The following CEP78 variants were observed in gnomAD, a reference collection of about 807,000 sequenced individuals.
CEP78 encodes the protein centrosomal protein 78.
A neutral mutation model predicts 81.2 loss-of-function variants in CEP78; 76 were observed. That is an observed-to-expected ratio of 0.94 (90% CI 0.78 to 1.13). CEP78 has a LOEUF of 1.13. Ranked by LOEUF, CEP78 falls within the 50% of genes most tolerant of loss-of-function variation. The pLI is 0.00. For missense variants in CEP78, 918 were observed against 846.8 expected, an observed-to-expected ratio of 1.08 and a Z score of -1.04; for synonymous variants, 293 against 301.4, an observed-to-expected ratio of 0.97 and a Z score of 0.29.
rs536765772 is a variant in CEP78 at position 78,242,573 on chromosome 9, A to G, written c.603+774A>G. Reference sequence around the variant, plus strand: ...TAGGATTTAATGAACTAATGTGTATAAAATAGTGCCTGGCTATCTAAGTGT... The same window carrying G: ...TAGGATTTAATGAACTAATGTGTATGAAATAGTGCCTGGCTATCTAAGTGT... On this transcript the variant is annotated intron_variant, in intron 4 of 16. Coordinates refer to ENST00000643273, the MANE Select transcript of CEP78 (RefSeq NM_001330691.3). 2.0e-5 allele frequency among the ~76,000 whole-genome samples: 3 copies of G among 152,346 alleles called. No homozygotes were observed. The East Asian group carries it at 5.8e-4, about 29-fold the overall frequency.
chr9:78,242,615 T>G (rs1426822897), intron 4 of CEP78, among the ~76,000 whole-genome samples: 1 of 152,242 alleles, frequency 6.6e-6, no homozygotes, highest in African/African-American at 2.4e-5. Context: ...TTATTTCCTC[T>G]TATTGCTTTT....
intron 11 of CEP78, among the ~76,000 whole-genome samples, chr9:78,259,728 C>T (rs527483521): frequency 1.3e-5 from 2 of 152,100 alleles, no homozygotes; most frequent in Non-Finnish European, 2.9e-5. Context: ...AAATTAAGAC[C>T]TAGAGTTACT....
rs1429677579 is a variant in CEP78 at position 78,265,541 on chromosome 9, C to T, written c.1795C>T (p.Gln599Ter). Residue 599 changes from glutamine to a stop codon, truncating the protein, a stop_gained and splice_region_variant, in exon 14 of 17, where the codon CAG becomes TAG. Transcript: ENST00000643273. LOFTEE classifies it high-confidence loss of function. ...QNALGQMQNI[Q>*]VSICMQSAYN... is the part of the protein sequence containing the mutation. ...TGCCCTAGGGCAAATGCAAAATATC[C>T]AGGTAAATGAATAGAACAGAACTTA... 1 of 1,562,366 alleles carries T rather than the reference C, an allele frequency of 6.4e-7. No homozygotes were observed. Among genetic ancestry groups the T allele is most frequent in the South Asian group, 1.2e-5 (1 of 84,420 alleles).
At position 78,266,510 on chromosome 9, in the gene CEP78, TCCAGA is replaced by T. The variant is rs1827540143; in HGVS notation, c.1915_1919del (p.Pro639GlyfsTer15). The T allele has an allele frequency of 1.2e-6, 2 of 1,613,710 alleles. No homozygotes were observed. Among genetic ancestry groups the T allele is most frequent in the Non-Finnish European group, 1.7e-6 (2 of 1,179,690 alleles). Reference sequence around the variant, plus strand: ...ACTCCTTTCCTGTCCCAGTTTCTACTCCAGAGGGCTTAGGAACTTCCAGCAACAAC... The same window carrying T: ...ACTCCTTTCCTGTCCCAGTTTCTACTGGGCTTAGGAACTTCCAGCAACAAC... On this transcript the variant is annotated frameshift_variant, in exon 16 of 17. Transcript: ENST00000643273. LOFTEE classifies it high-confidence loss of function.
At position 78,236,086 on chromosome 9, in the gene CEP78, C is replaced by T. The variant is rs1411895083; in HGVS notation, c.-265C>T. On this transcript the variant is annotated 5_prime_UTR_variant, in exon 1 of 17. Transcript: ENST00000643273. ...CGGCACCGCCCACCGGCTTGAATCC[C>T]GGCGCCTCAGAGGACTATGAGGCGG... is the stretch of plus-strand genomic sequence containing the variant. 2.1e-6 allele frequency: 1 copy of T among 487,002 alleles called. No individual in the cohort carries two copies. Among genetic ancestry groups the T allele is most frequent in the Middle Eastern group, 5.4e-4 (1 of 1,858 alleles). 30.2% of individuals were successfully genotyped at this position (487,002 alleles called of 1,614,324 possible).
chr9:78,241,347 G>T (rs2118134956), intron 3 of CEP78, among the ~76,000 whole-genome samples: 1 of 152,246 alleles, frequency 6.6e-6, no homozygotes, highest in South Asian at 2.1e-4. Context: ...ACAGATTGAG[G>T]TCTGCTCTTG....
chr9:78,247,702 G>A (rs1826559886), intron 6 of CEP78, among the ~76,000 whole-genome samples: 1 of 152,074 alleles, frequency 6.6e-6, no homozygotes, highest in Admixed American at 6.6e-5. Flanking sequence ...AAAGAGGGAG[G>A]CCAGTTAGGA....
Position 78,268,566 on chromosome 9 carries a change from T to G in CEP78, c.2107+1863T>G, listed in dbSNP as rs142769155. On this transcript the variant is annotated intron_variant, in intron 16 of 16. Coordinates refer to ENST00000643273, the MANE Select transcript of CEP78 (RefSeq NM_001330691.3). ...GTTTTCCACACTTTTCTGAAGAGCA[T>G]TTGTCTTTGATTTTTAAATGGGACT... is the stretch of plus-strand genomic sequence containing the variant. 1.1e-3 allele frequency among the ~76,000 whole-genome samples: 169 copies of G among 152,298 alleles called. 1 individual carries two copies. Among genetic ancestry groups the G allele is most frequent in the Middle Eastern group, 3.4e-3 (1 of 294 alleles).
Position 78,273,959 on chromosome 9 carries a change from G to A in CEP78, c.*3108G>A, listed in dbSNP as rs1400752394. 2 of 152,196 alleles carry A rather than the reference G, an allele frequency of 1.3e-5. No individual in the cohort carries two copies. Among genetic ancestry groups the A allele is most frequent in the African/African-American group, 4.8e-5 (2 of 41,442 alleles). 9.4% of individuals were successfully genotyped at this position (152,196 alleles called of 1,614,324 possible). On this transcript the variant is annotated 3_prime_UTR_variant, in exon 17 of 17. Coordinates refer to ENST00000643273, the MANE Select transcript of CEP78 (RefSeq NM_001330691.3). ...CTCACAGCTGGTAGGAATGCAAAAT[G>A]ACTCAGTCACTCAAAACAGTTTGGC... is the stretch of plus-strand genomic sequence containing the variant.
Position 78,236,464 on chromosome 9 carries a change from C to T in CEP78, c.114C>T (p.Leu38=), listed in dbSNP as rs1216314791. Residue 38 remains leucine (L), a synonymous_variant, in exon 1 of 17, where the codon CTC becomes CTT. Transcript: ENST00000643273. ...CGCTGCCCGCCGTGCGCGCCTGTCT[C>T]CGGGAGGGCGTGCTGGATTTCAACG... is the stretch of plus-strand genomic sequence containing the variant. The part of the protein sequence containing the change: ...SVPLPAVRAC[L]REGVLDFNAD... 11 of 1,606,270 alleles carry T rather than the reference C, an allele frequency of 6.8e-6. No homozygotes were observed. The highest frequency in any genetic ancestry group is 9.3e-6 in the Non-Finnish European group (11 of 1,176,638).
intron 11 of CEP78, 26 bp from the exon 12 acceptor site, chr9:78,262,881 A>C (rs1280240168): frequency 1.5e-6 from 2 of 1,343,270 alleles, no homozygotes; most frequent in East Asian, 2.5e-5. Flanking sequence ...ATTAATTATA[A>C]TATTTACTTT....
Position 78,254,889 on chromosome 9 carries a change from T to G in CEP78, c.1305T>G (p.Val435=). The change falls in exon 11 of 17, where the codon GTT becomes GTG. Residue 435 remains valine, a synonymous_variant. Coordinates refer to ENST00000643273, the MANE Select transcript of CEP78 (RefSeq NM_001330691.3). ...VTVESPSSSE[V]EEVDDSSESV... ...TAGAGAGTCCTTCATCCTCTGAAGT[T>G]GAAGAGGTTGATGATTCTTCAGAGA... is the stretch of plus-strand genomic sequence containing the variant. 6.2e-7 allele frequency: 1 copy of G among 1,611,436 alleles called. No homozygotes were observed. Among genetic ancestry groups the G allele is most frequent in the South Asian group, 1.1e-5 (1 of 90,976 alleles).
chr9:78,237,281 T>C (rs928816553), intron 1 of CEP78, among the ~76,000 whole-genome samples: 10 of 152,006 alleles, frequency 6.6e-5, no homozygotes, highest in African/African-American at 2.4e-4. Context: ...GCGCCCGGCC[T>C]GTCTTCATTT....
At chr9:78,256,874 A>T (rs1390265476) in intron 11 of CEP78, among the ~76,000 whole-genome samples, 1 of 152,182 alleles carries the variant, frequency 6.6e-6, no homozygotes, top group Non-Finnish European at 1.5e-5. Flanking sequence ...GTAAAAAAGA[A>T]ATAGGGTGTT....
intron 11 of CEP78, among the ~76,000 whole-genome samples, chr9:78,259,501 T>TA (rs1827181886): frequency 6.6e-6 from 1 of 152,204 alleles, no homozygotes; most frequent in Non-Finnish European, 1.5e-5. Context: ...AAAACCTGCT[T>TA]AAAGAAATGG....
chr9:78,236,811 T>G (rs889592098), intron 1 of CEP78, among the ~76,000 whole-genome samples: 1 of 152,110 alleles, frequency 6.6e-6, no homozygotes, highest in African/African-American at 2.4e-5. Flanking sequence ...TATGTGCGCC[T>G]TCGCAAGGAT....
In CEP78 at chr9:78,273,265, T is replaced by G. The variant is rs1051224901; in HGVS notation, c.*2414T>G. The stretch of plus-strand genomic sequence containing the variant: ...CAAAATCTAAAACGCTGTCATAGAT[T>G]ATAAAGAGATGAACAAAAATATACC... On this transcript the variant is annotated 3_prime_UTR_variant, in exon 17 of 17. Transcript: ENST00000643273. 13 of 152,178 alleles carry G rather than the reference T, an allele frequency of 8.5e-5. No homozygotes were observed. Among genetic ancestry groups the G allele is most frequent in the Non-Finnish European group, 1.5e-5 (1 of 68,022 alleles). 9.4% of individuals were successfully genotyped at this position (152,178 alleles called of 1,614,324 possible).
chr9:78,269,221 G>A (rs1056422687), intron 16 of CEP78, among the ~76,000 whole-genome samples: 7 of 152,178 alleles, frequency 4.6e-5, no homozygotes, highest in African/African-American at 4.8e-5. Context: ...ATAAGATTTG[G>A]TTATGGGAAG....
In CEP78 at chr9:78,273,815, C is replaced by G. The variant is rs1428258493; in HGVS notation, c.*2964C>G. ...AGAAATACAAGGAAAAATGGCCAGC[C>G]AGTTATAACAAGAAGCTTTAAGACA... On this transcript the variant is annotated 3_prime_UTR_variant, in exon 17 of 17. Coordinates refer to ENST00000643273, the MANE Select transcript of CEP78 (RefSeq NM_001330691.3). 6.6e-6 allele frequency: 1 copy of G among 152,148 alleles called. No homozygotes were observed. The highest frequency in any genetic ancestry group is 2.4e-5 in the African/African-American group (1 of 41,426). 9.4% of individuals were successfully genotyped at this position (152,148 alleles called of 1,614,324 possible).
Sources: gnomAD v4.1 joint callset for allele counts (sites outside exome capture counted in the v4.1 genomes callset) on GRCh38, gnomAD v4.1.1 for gene constraint, MANE v1.5 for transcripts, NCBI Gene and HGNC (gene_info 2026-07-23, HGNC 2026-07-21) for gene names.